SEMA5A: variants seen among roughly 807,000 people sequenced by gnomAD.
SEMA5A encodes the protein semaphorin-5A.
SEMA5A carries 55 observed loss-of-function variants against 135.5 expected under a neutral mutation model. The ratio of observed to expected loss-of-function variants is 0.41; its 90% CI spans 0.33 to 0.51. The LOEUF is 0.51. Ranked by LOEUF, SEMA5A falls within the 20% of genes least tolerant of loss-of-function variation. SEMA5A has a pLI of 0.37. For synonymous variants in SEMA5A, 580 were observed against 546.5 expected, an observed-to-expected ratio of 1.06 and a Z score of -0.85; for missense variants, 1,290 against 1,419.9, an observed-to-expected ratio of 0.91 and a Z score of 1.47.
At chr5:9,219,118 G>A (rs150423175) in intron 8 of SEMA5A, among the ~76,000 whole-genome samples, 10 of 152,340 alleles carry the variant, frequency 6.6e-5, no homozygotes, top group East Asian at 3.9e-4. Context: ...GCCTCAGATC[G>A]TCTAACTCCA....
At chr5:9,476,612 A>C (rs549893855) in intron 1 of SEMA5A, among the ~76,000 whole-genome samples, 4 of 152,168 alleles carry the variant, frequency 2.6e-5, no homozygotes, top group East Asian at 1.9e-4. Context: ...TGGGCTCTGA[A>C]TCTCCAGCCC....
intron 1 of SEMA5A, among the ~76,000 whole-genome samples, chr5:9,458,323 T>C (rs917416569): frequency 2.0e-5 from 3 of 152,188 alleles, no homozygotes; most frequent in Non-Finnish European, 4.4e-5. Flanking sequence ...AGCAGTTTTG[T>C]TCTAAATCAT....
chr5:9,154,093 A>ATATATATGTGTGTGTGTGTG (rs372321939), intron 12 of SEMA5A, among the ~76,000 whole-genome samples: 40 of 73,498 alleles, frequency 5.4e-4, no homozygotes, highest in East Asian at 2.5e-3. Flanking sequence ...ATATATATAT[A>ATATATATGTGTGTGTGTGTG]TGTGTGTGTG....
chr5:9,220,065 G>A (rs1344311505), intron 8 of SEMA5A, among the ~76,000 whole-genome samples: 1 of 152,224 alleles, frequency 6.6e-6, no homozygotes, highest in Non-Finnish European at 1.5e-5. Flanking sequence ...CAACTTGGAA[G>A]GAGCTGGAGA....
intron 5 of SEMA5A, among the ~76,000 whole-genome samples, chr5:9,286,770 A>G (rs573448541): frequency 6.6e-6 from 1 of 152,344 alleles, no homozygotes; most frequent in South Asian, 2.1e-4. Context: ...AAGTATATAA[A>G]GACTGAAAAA....
chr5:9,399,959 C>T (rs779067490), intron 2 of SEMA5A, among the ~76,000 whole-genome samples: 30 of 152,108 alleles, frequency 2.0e-4, no homozygotes, highest in Non-Finnish European at 3.5e-4. Context: ...CCATATACAC[C>T]GTGGAATACT....
At chr5:9,105,599 C>T (rs1293291250) in intron 16 of SEMA5A, among the ~76,000 whole-genome samples, 2 of 152,054 alleles carry the variant, frequency 1.3e-5, no homozygotes, top group Non-Finnish European at 2.9e-5. Flanking sequence ...TAGGAAGGAG[C>T]ACTCAAACGT....
chr5:9,470,259 C>A (rs1459870753), intron 1 of SEMA5A, among the ~76,000 whole-genome samples: 1 of 152,166 alleles, frequency 6.6e-6, no homozygotes, highest in Non-Finnish European at 1.5e-5. Flanking sequence ...GTGGGAAATT[C>A]CTTGTTCCTA....
At chr5:9,358,487 G>T (rs1487294517) in intron 3 of SEMA5A, among the ~76,000 whole-genome samples, 3 of 152,180 alleles carry the variant, frequency 2.0e-5, no homozygotes, top group Non-Finnish European at 4.4e-5. Flanking sequence ...TGCACACAGT[G>T]TCCAGACCTT....
At chr5:9,300,839 G>C (rs531712971) in intron 5 of SEMA5A, among the ~76,000 whole-genome samples, 2 of 152,300 alleles carry the variant, frequency 1.3e-5, no homozygotes, top group African/African-American at 4.8e-5. Context: ...TGAAATCAAA[G>C]AACACCTGGA....
At chr5:9,049,265 G>C (rs1351917856) in intron 21 of SEMA5A, among the ~76,000 whole-genome samples, 1 of 152,100 alleles carries the variant, frequency 6.6e-6, no homozygotes, top group Non-Finnish European at 1.5e-5. Flanking sequence ...AGGTTCAAGA[G>C]AGTCTCCTGC....
chr5:9,359,170 G>A (rs1754584060), intron 3 of SEMA5A, among the ~76,000 whole-genome samples: 2 of 152,144 alleles, frequency 1.3e-5, no homozygotes, highest in African/African-American at 2.4e-5. Context: ...GCTAGAGGCT[G>A]CAGAATATGA....
At chr5:9,187,896 T>C (rs992141864) in intron 11 of SEMA5A, among the ~76,000 whole-genome samples, 2 of 152,142 alleles carry the variant, frequency 1.3e-5, no homozygotes, top group Non-Finnish European at 2.9e-5. Flanking sequence ...GGTGAGGGTG[T>C]TGGGAGCAGC....
intron 3 of SEMA5A, among the ~76,000 whole-genome samples, chr5:9,355,501 A>T (rs1754401298): frequency 6.6e-6 from 1 of 152,214 alleles, no homozygotes; most frequent in Non-Finnish European, 1.5e-5. Flanking sequence ...GATTTTCACT[A>T]GAACAGCTCA....
At chr5:9,348,889 C>G (rs1753990866) in intron 3 of SEMA5A, among the ~76,000 whole-genome samples, 1 of 152,176 alleles carries the variant, frequency 6.6e-6, no homozygotes, top group African/African-American at 2.4e-5. Flanking sequence ...TTAAAATATC[C>G]AGAATAGTTC....
At chr5:9,427,250 G>T (rs1403909748) in intron 2 of SEMA5A, among the ~76,000 whole-genome samples, 4 of 151,968 alleles carry the variant, frequency 2.6e-5, no homozygotes, top group Admixed American at 6.6e-5. Flanking sequence ...GGCAGAGGTT[G>T]CAGTGAGCCG....
intron 4 of SEMA5A, among the ~76,000 whole-genome samples, chr5:9,323,055 G>T (rs759335485): frequency 1.7e-4 from 26 of 152,192 alleles, no homozygotes; most frequent in Non-Finnish European, 3.5e-4. Context: ...GAGCCTACGG[G>T]TCTGGCTGTT....
intron 12 of SEMA5A, 131 bp downstream of exon 12, chr5:9,154,357 A>G (rs1742833080): frequency 1.4e-6 from 1 of 709,626 alleles, no homozygotes; most frequent in Non-Finnish European, 2.4e-6. Context: ...ATCCTAGAGC[A>G]CAGGACTCTC....
At chr5:9,162,560 G>GTATATATATATATA (rs760785096) in intron 11 of SEMA5A, among the ~76,000 whole-genome samples, 8 of 28,016 alleles carry the variant, frequency 2.9e-4, no homozygotes, top group African/African-American at 1.3e-3. Context: ...ATGTGTGTGT[G>GTATATATATATATA]TGTGTATATA....
Sources: allele counts gnomAD v4.1 joint callset (sites outside exome capture counted in the v4.1 genomes callset), GRCh38; gene constraint gnomAD v4.1.1; transcripts MANE v1.5; gene names NCBI Gene and HGNC (gene_info 2026-07-23, HGNC 2026-07-21).